The following SCHIP1 variants were observed in gnomAD, a reference collection of about 807,000 sequenced individuals.
SCHIP1 encodes the protein schwannomin-interacting protein 1.
In SCHIP1, 8 loss-of-function variants were observed where a neutral mutation model predicts 29.7. That is an observed-to-expected ratio of 0.27 (90% CI 0.16 to 0.49). The LOEUF (loss-of-function observed/expected upper bound fraction) is 0.49. SCHIP1 is among the 20% of genes least tolerant of loss of function. The pLI, the probability that SCHIP1 is intolerant of heterozygous loss-of-function variation, is 0.99. For missense variants in SCHIP1, 193 were observed against 294.6 expected (o/e 0.66, Z 2.52); for synonymous variants, 76 against 94.9 (o/e 0.80, Z 1.16).
the SCHIP1 span, among the ~76,000 whole-genome samples, chr3:159,726,988 G>A: frequency 6.6e-6 from 1 of 152,174 alleles, no homozygotes; most frequent in Non-Finnish European, 1.5e-5. Flanking sequence ...AAACATAGGA[G>A]AGGAAGCTTA....
the SCHIP1 span, among the ~76,000 whole-genome samples, chr3:159,591,753 C>T: frequency 0.018 from 2,664 of 151,968 alleles, 99 homozygotes; most frequent in African/African-American, 0.062. Flanking sequence ...GAACATCACA[C>T]ACCAAGGCCT....
At chr3:159,446,056 G>C in the SCHIP1 span, among the ~76,000 whole-genome samples, 15 of 151,768 alleles carry the variant, frequency 9.9e-5, no homozygotes, top group Admixed American at 6.6e-5. Context: ...AGAAAATTCA[G>C]TTGAGCCCAA....
chr3:159,390,756 A>G, the SCHIP1 span, among the ~76,000 whole-genome samples: 2 of 152,132 alleles, frequency 1.3e-5, no homozygotes, highest in African/African-American at 4.8e-5. Flanking sequence ...GGTTATCAAC[A>G]TTGGTATTTG....
chr3:159,853,163 C>T, intron 1 of SCHIP1: 1 of 420,680 alleles, frequency 2.4e-6, no homozygotes, highest in Non-Finnish European at 4.2e-6. Context: ...CAGAAAACAG[C>T]AGCTGCCCGG....
At chr3:159,523,753 A>G in the SCHIP1 span, among the ~76,000 whole-genome samples, 2 of 152,222 alleles carry the variant, frequency 1.3e-5, no homozygotes, top group Non-Finnish European at 2.9e-5. Flanking sequence ...AGTAGGGCCT[A>G]CCAAGTAAAA....
At chr3:159,437,372 A>G in the SCHIP1 span, among the ~76,000 whole-genome samples, 1 of 152,072 alleles carries the variant, frequency 6.6e-6, no homozygotes, top group African/African-American at 2.4e-5. Flanking sequence ...TTCCTCCTCT[A>G]GGATTTTTTT....
chr3:159,764,482 GGCA>G, the SCHIP1 span: 349 of 1,579,256 alleles, frequency 2.2e-4, no homozygotes, highest in Middle Eastern at 8.3e-4. The surrounding 1 kb of genome is among the most constrained non-coding windows in gnomAD (Gnocchi z 6.1). Context: ...CAGTGACGCC[GGCA>G]GCAGCAGCAG....
the SCHIP1 span, among the ~76,000 whole-genome samples, chr3:159,631,915 C>A: frequency 4.7e-4 from 71 of 151,940 alleles, no homozygotes; most frequent in African/African-American, 1.7e-3. Context: ...TGATATGCAC[C>A]CCCCACCTCA....
At chr3:159,587,105 C>T in the SCHIP1 span, among the ~76,000 whole-genome samples, 2 of 152,086 alleles carry the variant, frequency 1.3e-5, no homozygotes, top group South Asian at 2.1e-4. Context: ...GGAAGCTTTT[C>T]CAAAATACTG....
the SCHIP1 span, among the ~76,000 whole-genome samples, chr3:159,800,366 C>T: frequency 2.0e-5 from 3 of 152,214 alleles, no homozygotes; most frequent in Non-Finnish European, 4.4e-5. Context: ...GTCACACCTG[C>T]TCCAGCAGCC....
chr3:159,387,044 A>T, the SCHIP1 span: 1 of 161,262 alleles, frequency 6.2e-6, no homozygotes, highest in Non-Finnish European at 1.3e-5. Context: ...GAGGGCAGAG[A>T]TGAGGCACAC....
chr3:159,731,465 C>T, the SCHIP1 span, among the ~76,000 whole-genome samples: 21 of 152,308 alleles, frequency 1.4e-4, no homozygotes, highest in African/African-American at 4.8e-4. Context: ...TAGACGAGGC[C>T]GGTAGAGGGC....
At chr3:159,581,528 A>C in the SCHIP1 span, among the ~76,000 whole-genome samples, 1 of 152,180 alleles carries the variant, frequency 6.6e-6, no homozygotes, top group Non-Finnish European at 1.5e-5. Flanking sequence ...GAGGAAGCCA[A>C]ATAAGATGCA....
chr3:159,356,722 C>G, the SCHIP1 span, among the ~76,000 whole-genome samples: 1 of 152,196 alleles, frequency 6.6e-6, no homozygotes, highest in Non-Finnish European at 1.5e-5. Flanking sequence ...AATTTACTCT[C>G]TTAGAGTAGT....
the SCHIP1 span, among the ~76,000 whole-genome samples, chr3:159,737,498 T>C: frequency 6.6e-6 from 1 of 152,198 alleles, no homozygotes; most frequent in East Asian, 1.9e-4. Context: ...CTCTTGCCTT[T>C]CTATATAATA....
chr3:159,519,987 A>G, the SCHIP1 span, among the ~76,000 whole-genome samples: 1 of 151,866 alleles, frequency 6.6e-6, no homozygotes, highest in Non-Finnish European at 1.5e-5. Context: ...GGCAAAGTTC[A>G]CAGAGACCAT....
At chr3:159,479,602 A>G in the SCHIP1 span, among the ~76,000 whole-genome samples, 1 of 152,190 alleles carries the variant, frequency 6.6e-6, no homozygotes, top group Non-Finnish European at 1.5e-5. Flanking sequence ...TTACTTGGCT[A>G]GTTTTAATTC....
chr3:159,875,366 A>T (rs1715695922), intron 2 of SCHIP1, among the ~76,000 whole-genome samples: 1 of 151,760 alleles, frequency 6.6e-6, no homozygotes, highest in Non-Finnish European at 1.5e-5. Context: ...TGTCTTATGA[A>T]TTTTTTTTTA....
chr3:159,586,094 C>T, the SCHIP1 span, among the ~76,000 whole-genome samples: 12 of 151,032 alleles, frequency 7.9e-5, no homozygotes, highest in Admixed American at 7.9e-4. Flanking sequence ...TTTTCCTCAA[C>T]TTAAATCTGC....
Sources: gnomAD v4.1 joint callset for allele counts (sites outside exome capture counted in the v4.1 genomes callset) on GRCh38, gnomAD v4.1.1 for gene constraint, Gnocchi (gnomAD v3.1) non-coding constraint, MANE v1.5 for transcripts, NCBI Gene and HGNC (gene_info 2026-07-23, HGNC 2026-07-21) for gene names.